The following TMC1 variants were observed in gnomAD, a reference collection of about 807,000 sequenced individuals.
TMC1 encodes the protein transmembrane channel like 1, also known as transmembrane channel-like protein 1.
TMC1 carries 84 observed loss-of-function variants against 105.8 expected under a neutral mutation model. The observed-to-expected ratio is 0.79, with a 90% CI of 0.67 to 0.95. The LOEUF is 0.95. Among genes scored for constraint, TMC1 ranks in the 40% least tolerant of loss-of-function variants. TMC1 has a pLI of 0.00. For synonymous variants in TMC1, 315 were observed against 311.5 expected, an observed-to-expected ratio of 1.01 and a Z score of -0.12; for missense variants, 817 against 914.1, an observed-to-expected ratio of 0.89 and a Z score of 1.37.
chr9:72,765,057 C>T lies in TMC1; in HGVS notation c.742-7356C>T, dbSNP rs116221668. Reference sequence around the variant, plus strand: ...GAATAATTTGTTTAAAAAGAAGAGGCAGATGGGCAAAAAATTTTTCCACAT... The same window carrying T: ...GAATAATTTGTTTAAAAAGAAGAGGTAGATGGGCAAAAAATTTTTCCACAT... On this transcript the variant is annotated intron_variant, in intron 12 of 23. Coordinates refer to ENST00000297784, the MANE Select transcript of TMC1 (RefSeq NM_138691.3). 2.4e-4 allele frequency among the ~76,000 whole-genome samples: 37 copies of T among 152,244 alleles called. 1 individual carries two copies. Among genetic ancestry groups the T allele is most frequent in the African/African-American group, 7.2e-4 (30 of 41,550 alleles).
chr9:72,553,219 G>A (rs1476043758), intron 1 of TMC1, among the ~76,000 whole-genome samples: 1 of 151,986 alleles, frequency 6.6e-6, no homozygotes, highest in Non-Finnish European at 1.5e-5. Context: ...GTGATCCACC[G>A]GCCTCTGCTT....
At chr9:72,778,915 A>G (rs1217322232) in intron 13 of TMC1, among the ~76,000 whole-genome samples, 1 of 152,154 alleles carries the variant, frequency 6.6e-6, no homozygotes, top group Non-Finnish European at 1.5e-5. Flanking sequence ...AACCACCTGC[A>G]GCCTCCCCCC....
intron 9 of TMC1, among the ~76,000 whole-genome samples, chr9:72,740,576 C>T (rs2118016579): frequency 6.6e-6 from 1 of 152,140 alleles, no homozygotes; most frequent in African/African-American, 2.4e-5. Context: ...CTACCAGGAA[C>T]ATCAACTATA....
At chr9:72,631,827 G>C (rs944506079) in intron 4 of TMC1, among the ~76,000 whole-genome samples, 2 of 152,108 alleles carry the variant, frequency 1.3e-5, no homozygotes, top group Non-Finnish European at 2.9e-5. Flanking sequence ...AAACAAGAGC[G>C]CATGCAAGAA....
rs12345051 is a variant in TMC1, at chr9:72,742,599, G to A, written c.535+74G>A. The A allele has an allele frequency of 0.11, 134,313 of 1,236,456 alleles. 8,646 individuals carry two copies. Among genetic ancestry groups the A allele is most frequent in the African/African-American group, 0.24 (16,386 of 67,396 alleles). The allele number at this position is 1,236,456 out of a possible 1,614,324, so 76.6% of individuals were successfully genotyped here. ...TCTCATAAGCTTATCAGATGCCTTTGTCAGTTTCTGGACTTTTGGGAAGAC... is the reference window on the plus strand; with the variant it reads ...TCTCATAAGCTTATCAGATGCCTTTATCAGTTTCTGGACTTTTGGGAAGAC... On this transcript the variant is annotated intron_variant, in intron 10 of 23. Transcript: ENST00000297784.
chr9:72,655,345 T>C (rs1261108817), intron 5 of TMC1, among the ~76,000 whole-genome samples: 2 of 152,298 alleles, frequency 1.3e-5, no homozygotes, highest in East Asian at 3.9e-4. Context: ...ACTAACACGG[T>C]ACATACAATT....
At chr9:72,835,924 T>G (rs755026081) in intron 23 of TMC1, 27 bp from the exon 24 acceptor site, 50 of 1,535,226 alleles carry the variant, frequency 3.3e-5, no homozygotes, top group Non-Finnish European at 4.1e-5. Context: ...TGTTTTTTTT[T>G]TTTTTTTTTT....
intron 23 of TMC1, 44 bp from the exon 24 acceptor site, chr9:72,835,906 TC>T (rs762296078): frequency 1.3e-6 from 2 of 1,567,968 alleles, no homozygotes; most frequent in South Asian, 2.3e-5. Context: ...CTTCTCTCTC[TC>T]TCTCCTTGTT....
rs150919961 is a variant in TMC1 at position 72,556,777 on chromosome 9, C to T, written c.-427-21125C>T. 2.6e-3 allele frequency among the ~76,000 whole-genome samples: 402 copies of T among 151,946 alleles called. 1 individual carries two copies. Among genetic ancestry groups the T allele is most frequent in the African/African-American group, 9.3e-3 (387 of 41,450 alleles). On this transcript the variant is annotated intron_variant, in intron 1 of 23. Coordinates refer to ENST00000297784, the MANE Select transcript of TMC1 (RefSeq NM_138691.3). ...GCGGAGGTTGCAGTGAGCCAGATCC[C>T]GCCACTGCACTCTAGCCTGGGAGAT... is the stretch of plus-strand genomic sequence containing the variant.
At chr9:72,774,260 T>C (rs1337426748) in intron 13 of TMC1, among the ~76,000 whole-genome samples, 1 of 152,208 alleles carries the variant, frequency 6.6e-6, no homozygotes, top group Non-Finnish European at 1.5e-5. Flanking sequence ...AAGCCACATA[T>C]ATAAGTTTAA....
intron 5 of TMC1, chr9:72,656,072 T>A: frequency 1.4e-6 from 1 of 704,676 alleles, no homozygotes; most frequent in Admixed American, 1.8e-5. Context: ...TTTGCTCCTC[T>A]GATCAAGTCA....
chr9:72,826,910 A>G lies in TMC1; in HGVS notation c.2045A>G (p.Glu682Gly). ...RMFEVIGETL[E>G]HDFPSWMAKI... The stretch of plus-strand genomic sequence containing the variant: ...TTTGAAGTCATTGGAGAGACCCTGG[A>G]GCACGATTTCCCAAGCTGGATGGCG... The change falls in exon 21 of 24, where the codon GAG becomes GGG. Residue 682 changes from glutamate (E) to glycine (G), a missense_variant. Coordinates refer to ENST00000297784, the MANE Select transcript of TMC1 (RefSeq NM_138691.3). 1 of 1,614,092 alleles carries G rather than the reference A, an allele frequency of 6.2e-7. No individual in the cohort carries two copies. The highest frequency in any genetic ancestry group is 8.5e-7 in the Non-Finnish European group (1 of 1,179,960).
At chr9:72,655,970 A>C (rs1394708799) in intron 5 of TMC1, 1 of 798,324 alleles carries the variant, frequency 1.3e-6, no homozygotes, top group Non-Finnish European at 2.2e-6. Flanking sequence ...CCCATGGCTT[A>C]GAACCTTCAC....
chr9:72,776,917 A>T (rs1409256104), intron 13 of TMC1, among the ~76,000 whole-genome samples: 1 of 152,034 alleles, frequency 6.6e-6, no homozygotes, highest in Non-Finnish European at 1.5e-5. Context: ...TTTTATTTTT[A>T]AAAATTCTGT....
At chr9:72,802,554 A>G (rs567960646) in intron 17 of TMC1, among the ~76,000 whole-genome samples, 1 of 152,314 alleles carries the variant, frequency 6.6e-6, no homozygotes, top group South Asian at 2.1e-4. Context: ...ACACAACTAC[A>G]TGGAAATTGA....
At chr9:72,788,274 G>A in intron 13 of TMC1, 65 bp from the exon 14 acceptor site, 1 of 1,577,140 alleles carries the variant, frequency 6.3e-7, no homozygotes, top group East Asian at 2.2e-5. Context: ...TCATGATCAT[G>A]TTTTGTTGCT....
intron 1 of TMC1, among the ~76,000 whole-genome samples, chr9:72,522,151 TAA>T (rs1022108844): frequency 3.0e-5 from 4 of 132,560 alleles, no homozygotes; most frequent in Admixed American, 7.6e-5. Flanking sequence ...CAGTAATTGA[TAA>T]GTTTTTTTTT....
rs1303450782 is a variant in TMC1 at position 72,742,466 on chromosome 9, A to T, written c.476A>T (p.Asp159Val). The change falls in exon 10 of 24, where the codon GAT (aspartate) becomes GTT (valine). Residue 159 changes from aspartate to valine, a missense_variant. Asp to Val is a radical substitution (Grantham distance 152). Coordinates refer to ENST00000297784, the MANE Select transcript of TMC1 (RefSeq NM_138691.3). ...MAKKWAKFLR[D>V]FENFKAACVP... ...CAGAAATGGGCAAAATTCCTCCGTGATTTTGAGAACTTCAAAGCTGCGTGT... is the reference window on the plus strand; with the variant it reads ...CAGAAATGGGCAAAATTCCTCCGTGTTTTTGAGAACTTCAAAGCTGCGTGT... 1 of 1,614,122 alleles carries T rather than the reference A, an allele frequency of 6.2e-7. No individual in the cohort carries two copies. The highest frequency in any genetic ancestry group is 1.1e-5 in the South Asian group (1 of 91,066).
chr9:72,802,210 T>C (rs916468465), intron 17 of TMC1, among the ~76,000 whole-genome samples: 9 of 151,840 alleles, frequency 5.9e-5, no homozygotes, highest in Non-Finnish European at 1.3e-4. Context: ...CTGGGCAACA[T>C]AGCAAGACCC....
Sources: allele counts gnomAD v4.1 joint callset (sites outside exome capture counted in the v4.1 genomes callset), GRCh38; gene constraint gnomAD v4.1.1; transcripts MANE v1.5; gene names NCBI Gene and HGNC (gene_info 2026-07-23, HGNC 2026-07-21).